PPP2R3A: variants seen among roughly 807,000 people sequenced by gnomAD.
PPP2R3A encodes protein phosphatase 2 regulatory subunit B''alpha.
In PPP2R3A, 80 loss-of-function variants were observed where a neutral mutation model predicts 106.9. That is an observed-to-expected ratio of 0.75 (90% CI 0.62 to 0.90). The LOEUF (loss-of-function observed/expected upper bound fraction) is 0.90, where lower values mean the gene tolerates loss of function less well. Ranked by LOEUF, PPP2R3A falls within the 40% of genes least tolerant of loss-of-function variation. The pLI, the probability that PPP2R3A is intolerant of heterozygous loss-of-function variation, is 0.00. For missense variants in PPP2R3A, 1,386 were observed against 1,350.4 expected (o/e 1.03, Z -0.41); for synonymous variants, 483 against 468.3 (o/e 1.03, Z -0.41).
intron 6 of PPP2R3A, among the ~76,000 whole-genome samples, chr3:136,072,611 G>T (rs538239724): frequency 6.6e-6 from 1 of 152,176 alleles, no homozygotes; most frequent in Middle Eastern, 3.4e-3. Flanking sequence ...AGAATTCTAC[G>T]CTAGCTCTGG....
intron 1 of PPP2R3A, among the ~76,000 whole-genome samples, chr3:135,967,131 C>T (rs982054011): frequency 2.0e-5 from 3 of 151,976 alleles, no homozygotes; most frequent in Admixed American, 6.6e-5. Context: ...ATCCAAATGG[C>T]CCTTTTATCA....
intron 1 of PPP2R3A, among the ~76,000 whole-genome samples, chr3:135,981,477 T>A (rs532146106): frequency 1.3e-5 from 2 of 151,968 alleles, no homozygotes; most frequent in South Asian, 4.1e-4. Flanking sequence ...TAAAACTGAT[T>A]ACAAAAAGTG....
chr3:136,044,570 CA>C (rs1247139572), intron 4 of PPP2R3A, among the ~76,000 whole-genome samples: 3,331 of 76,028 alleles, frequency 0.044, 16 homozygotes, highest in African/African-American at 0.053. Context: ...GACCCTGTCT[CA>C]AAAAAAAAAA....
chr3:136,063,499 G>C (rs1936151383), intron 5 of PPP2R3A, among the ~76,000 whole-genome samples: 2 of 152,160 alleles, frequency 1.3e-5, no homozygotes, highest in African/African-American at 2.4e-5. Context: ...TATAGAATGG[G>C]AGAAAATTTT....
chr3:136,071,587 G>C (rs1408365680), intron 6 of PPP2R3A, among the ~76,000 whole-genome samples: 1 of 152,106 alleles, frequency 6.6e-6, no homozygotes, highest in African/African-American at 2.4e-5. Flanking sequence ...TGGTCTCCCT[G>C]TTACCACTCT....
chr3:136,067,478 A>AG (rs1470403375), intron 5 of PPP2R3A, among the ~76,000 whole-genome samples: 1 of 152,232 alleles, frequency 6.6e-6, no homozygotes, highest in Non-Finnish European at 1.5e-5. Flanking sequence ...TGGGAAACCC[A>AG]GGCTGAGTTA....
intron 1 of PPP2R3A, among the ~76,000 whole-genome samples, chr3:135,973,036 T>C (rs1358908690): frequency 1.3e-5 from 2 of 152,222 alleles, no homozygotes; most frequent in Non-Finnish European, 2.9e-5. Flanking sequence ...GCCAGTTTAC[T>C]CCTGTGTTTT....
intron 10 of PPP2R3A, among the ~76,000 whole-genome samples, chr3:136,100,988 G>A (rs1665405568): frequency 1.3e-5 from 2 of 152,170 alleles, no homozygotes; most frequent in Admixed American, 1.3e-4. Context: ...GAAGCTACTA[G>A]AGAATGCGCA....
At position 136,033,801 on chromosome 3, in the gene PPP2R3A, G is replaced by T. The variant is rs1934989867; in HGVS notation, c.2262+6703G>T. On this transcript the variant is annotated intron_variant, in intron 3 of 13. Transcript: ENST00000264977. ...CTTTTCTTAGTTAGTCTTGCTAATGGTCTATCAATTTTATTTATCTTTTCA... is the reference window on the plus strand; with the variant it reads ...CTTTTCTTAGTTAGTCTTGCTAATGTTCTATCAATTTTATTTATCTTTTCA... Among the ~76,000 whole-genome samples the T allele has an allele frequency of 2.6e-5, 4 of 151,778 alleles. 1 individual carries two copies. The South Asian group carries it at 8.3e-4, about 32-fold the overall frequency.
intron 13 of PPP2R3A, among the ~76,000 whole-genome samples, chr3:136,112,418 C>A (rs1337159340): frequency 1.3e-5 from 2 of 152,130 alleles, no homozygotes; most frequent in African/African-American, 4.8e-5. Context: ...GCTCCTAGAT[C>A]TGATAAACGA....
chr3:136,025,621 G>A (rs973693769), intron 2 of PPP2R3A, among the ~76,000 whole-genome samples: 5 of 151,964 alleles, frequency 3.3e-5, no homozygotes, highest in African/African-American at 1.2e-4. Flanking sequence ...TTAAAATTAT[G>A]TTATAAACCT....
rs117906802 is a variant in PPP2R3A at position 136,114,077 on chromosome 3, A to T, written c.3329+7755A>T. 1.8e-3 allele frequency among the ~76,000 whole-genome samples: 268 copies of T among 152,262 alleles called. 9 individuals carry two copies. In the East Asian group the frequency reaches 0.049, roughly 28 times the overall value. On this transcript the variant is annotated intron_variant, in intron 13 of 13. Transcript: ENST00000264977. ...CCCGCTGAGGTACCCAGTTCATCTC[A>T]TTGGGACTGGTTGGACAGTAGGTGC...
intron 3 of PPP2R3A, among the ~76,000 whole-genome samples, chr3:136,035,230 TATG>T (rs1172679758): frequency 2.6e-5 from 4 of 152,222 alleles, no homozygotes; most frequent in Admixed American, 2.6e-4. Flanking sequence ...AGTAGTGAGA[TATG>T]AGGTACCATT....
chr3:136,108,117 G>A (rs1937545097), intron 13 of PPP2R3A, among the ~76,000 whole-genome samples: 1 of 152,132 alleles, frequency 6.6e-6, no homozygotes, highest in South Asian at 2.1e-4. Flanking sequence ...GGAGGCTGAG[G>A]TGGGAGGATC....
intron 13 of PPP2R3A, among the ~76,000 whole-genome samples, chr3:136,137,314 C>T (rs1938657313): frequency 6.6e-6 from 1 of 151,888 alleles, no homozygotes; most frequent in Non-Finnish European, 1.5e-5. Context: ...TTCAATGATC[C>T]AGGGATAACC....
At chr3:136,098,556 C>T (rs1307722806) in intron 10 of PPP2R3A, among the ~76,000 whole-genome samples, 1 of 152,152 alleles carries the variant, frequency 6.6e-6, no homozygotes, top group Non-Finnish European at 1.5e-5. Context: ...ACAGCGGTCT[C>T]CTAGAACCTT....
chr3:136,137,437 A>G (rs1215401800), intron 13 of PPP2R3A, among the ~76,000 whole-genome samples: 1 of 147,284 alleles, frequency 6.8e-6, no homozygotes. Flanking sequence ...TTTCCCTATT[A>G]TTGGACATTT....
intron 1 of PPP2R3A, among the ~76,000 whole-genome samples, chr3:135,996,766 CT>C (rs1933415732): frequency 1.3e-5 from 2 of 152,150 alleles, no homozygotes; most frequent in Admixed American, 6.5e-5. Flanking sequence ...TTGCCTGTTC[CT>C]AATCAGATAC....
In PPP2R3A at chr3:136,145,090, G is replaced by A; in HGVS notation, c.3377G>A (p.Gly1126Glu). 6.2e-7 allele frequency: 1 copy of A among 1,613,632 alleles called. No individual in the cohort carries two copies. The highest frequency in any genetic ancestry group is 1.1e-5 in the South Asian group (1 of 91,022). The change falls in exon 14 of 14, where the codon GGA becomes GAA. Residue 1126 changes from glycine to glutamate, a missense_variant. Gly to Glu is a moderately conservative substitution (Grantham distance 98). Coordinates refer to ENST00000264977, the MANE Select transcript of PPP2R3A (RefSeq NM_002718.5). ...TDEPASPSEF[G>E]NKSNKILSAS... ...GAACCTGCCTCTCCCTCTGAATTTGGAAACAAAAGCAATAAAATATTAAGT... is the reference window on the plus strand; with the variant it reads ...GAACCTGCCTCTCCCTCTGAATTTGAAAACAAAAGCAATAAAATATTAAGT...
Sources: allele counts gnomAD v4.1 joint callset (sites outside exome capture counted in the v4.1 genomes callset), GRCh38; gene constraint gnomAD v4.1.1; transcripts MANE v1.5; gene names NCBI Gene and HGNC (gene_info 2026-07-23, HGNC 2026-07-21).